The following INSL6 variants were observed in gnomAD, a reference collection of about 807,000 sequenced individuals.
The protein encoded by INSL6 is insulin-like peptide INSL6.
In INSL6, 16 loss-of-function variants were observed where a neutral mutation model predicts 9.4. The observed-to-expected ratio is 1.70, with a 90% confidence interval of 1.15 to 2.59. The LOEUF is 2.59. Among genes scored for constraint, INSL6 ranks in the 30% most tolerant of loss-of-function variants. The probability of loss-of-function intolerance (pLI) is 0.00; values close to 1 mark genes in which losing one functional copy is unlikely to be tolerated. For synonymous variants in INSL6, 154 were observed against 96.9 expected, an observed-to-expected ratio of 1.59 and a Z score of -3.46; for missense variants, 391 against 257.3, an observed-to-expected ratio of 1.52 and a Z score of -3.56.
At chr9:5,134,283 C>T (rs202222281) in intron 2 of INSL6, among the ~76,000 whole-genome samples, 18 of 152,114 alleles carry the variant, frequency 1.2e-4, no homozygotes, top group East Asian at 1.9e-4. Flanking sequence ...ATATTATCCA[C>T]GAGAACTTCC....
At chr9:5,099,531 C>G in the INSL6 span, 2 of 152,042 alleles carry the variant, frequency 1.3e-5, no homozygotes, top group Admixed American at 6.5e-5. Flanking sequence ...ATAATCAAAA[C>G]ACAAAAACAC....
At chr9:5,079,169 A>G in the INSL6 span, among the ~76,000 whole-genome samples, 2 of 152,216 alleles carry the variant, frequency 1.3e-5, no homozygotes, top group East Asian at 3.8e-4. Flanking sequence ...AGTATGGCAG[A>G]AAATTCTTAC....
the INSL6 span, among the ~76,000 whole-genome samples, chr9:5,032,800 A>G: frequency 6.6e-6 from 1 of 152,214 alleles, no homozygotes; most frequent in African/African-American, 2.4e-5. Context: ...TGGGGAAAAA[A>G]CAGAGCAGAA....
chr9:5,172,837 A>T (rs1825214088), intron 1 of INSL6, among the ~76,000 whole-genome samples: 1 of 152,104 alleles, frequency 6.6e-6, no homozygotes, highest in African/African-American at 2.4e-5. Context: ...CTGAGGCAGG[A>T]GAATTGCTTG....
At chr9:4,998,150 G>A in the INSL6 span, among the ~76,000 whole-genome samples, 2 of 151,924 alleles carry the variant, frequency 1.3e-5, no homozygotes, top group Non-Finnish European at 2.9e-5. Flanking sequence ...ATTTTTTATA[G>A]ACAAACTCGT....
chr9:5,114,435 A>G, the INSL6 span: 3 of 486,778 alleles, frequency 6.2e-6, no homozygotes, highest in Non-Finnish European at 8.1e-6. Context: ...CTACCAGTGC[A>G]GGGTGACCCA....
chr9:5,087,440 T>C, the INSL6 span, among the ~76,000 whole-genome samples: 3 of 151,216 alleles, frequency 2.0e-5, no homozygotes, highest in Admixed American at 2.0e-4. Context: ...CAATTCAAGA[T>C]GAGATTTGGG....
chr9:5,140,975 T>C (rs1418535703), intron 2 of INSL6, among the ~76,000 whole-genome samples: 1 of 152,140 alleles, frequency 6.6e-6, no homozygotes, highest in Non-Finnish European at 1.5e-5. Flanking sequence ...GGTTTTCTGC[T>C]TCTACATTAG....
rs1253150884 is a variant in INSL6, at chr9:5,185,438, G to A, written c.165C>T (p.Phe55=). The A allele has an allele frequency of 2.5e-6, 4 of 1,614,158 alleles. No homozygotes were observed. The highest frequency in any genetic ancestry group is 2.2e-5 in the East Asian group (1 of 44,870). The change falls in exon 1 of 2, where the codon TTC becomes TTT. Residue 55 remains phenylalanine, a synonymous_variant. Coordinates refer to ENST00000381641, the MANE Select transcript of INSL6 (RefSeq NM_007179.3). Reference sequence around the variant, plus strand: ...ACCGTGAGAAAGGGGTTTCCTCCTCGAAACGGAACTGGCTCCAGTTGGCAT... The same window carrying A: ...ACCGTGAGAAAGGGGTTTCCTCCTCAAAACGGAACTGGCTCCAGTTGGCAT... The part of the protein sequence containing the change: ...CGHANWSQFR[F]EEETPFSRLI...
chr9:5,082,062 G>A, the INSL6 span, among the ~76,000 whole-genome samples: 1 of 152,216 alleles, frequency 6.6e-6, no homozygotes, highest in Non-Finnish European at 1.5e-5. Flanking sequence ...CTCCACACCT[G>A]TGGGTAATTC....
the INSL6 span, among the ~76,000 whole-genome samples, chr9:5,011,535 C>CA: frequency 1.3e-5 from 2 of 152,174 alleles, no homozygotes; most frequent in Admixed American, 6.5e-5. Context: ...TCTTTATCTT[C>CA]ATGCATTATA....
intron 3 of INSL6, among the ~76,000 whole-genome samples, chr9:5,133,029 T>C (rs991405310): frequency 1.3e-5 from 2 of 152,198 alleles, no homozygotes; most frequent in Admixed American, 1.3e-4. Flanking sequence ...TGGAATTTCA[T>C]ATATTCTTTC....
chr9:5,059,255 C>T, the INSL6 span, among the ~76,000 whole-genome samples: 2 of 152,120 alleles, frequency 1.3e-5, no homozygotes, highest in African/African-American at 4.8e-5. Context: ...ACTTAAGATA[C>T]CTATCATCTA....
chr9:5,174,011 A>G (rs769163250), intron 1 of INSL6, among the ~76,000 whole-genome samples: 23 of 152,042 alleles, frequency 1.5e-4, no homozygotes, highest in Non-Finnish European at 2.9e-4. Flanking sequence ...CTCCCTTTCT[A>G]CCTATTTCTA....
At chr9:5,138,949 T>A (rs1446575567) in intron 2 of INSL6, among the ~76,000 whole-genome samples, 3 of 152,104 alleles carry the variant, frequency 2.0e-5, no homozygotes, top group African/African-American at 7.2e-5. Context: ...CAGGAGATTT[T>A]AACAATATGC....
At chr9:5,083,172 GCCTGCCTT>G in the INSL6 span, among the ~76,000 whole-genome samples, 10 of 151,852 alleles carry the variant, frequency 6.6e-5, no homozygotes, top group Non-Finnish European at 1.3e-4. Flanking sequence ...AAGCTTTTCT[GCCTGCCTT>G]TCTGCCTTTA....
the INSL6 span, among the ~76,000 whole-genome samples, chr9:5,061,136 T>A: frequency 3.6e-4 from 55 of 152,336 alleles, no homozygotes; most frequent in African/African-American, 1.3e-3. Flanking sequence ...GTTGTTCCAT[T>A]TATAGAGCAC....
chr9:5,166,001 C>T (rs929139774), intron 1 of INSL6, among the ~76,000 whole-genome samples: 1 of 152,166 alleles, frequency 6.6e-6, no homozygotes, highest in African/African-American at 2.4e-5. Context: ...CAATGGCTAG[C>T]AATCCACGTC....
At chr9:5,066,618 C>T in the INSL6 span, 4 of 920,922 alleles carry the variant, frequency 4.3e-6, no homozygotes, top group Non-Finnish European at 7.2e-6. Context: ...TTAGATGACA[C>T]TTGGTCATAA....
Sources: gnomAD v4.1 joint callset for allele counts (sites outside exome capture counted in the v4.1 genomes callset) on GRCh38, gnomAD v4.1.1 for gene constraint, MANE v1.5 for transcripts, NCBI Gene and HGNC (gene_info 2026-07-23, HGNC 2026-07-21) for gene names.